The following ACAD10 variants were observed in gnomAD, a reference collection of about 807,000 sequenced individuals.
ACAD10 encodes ACAD-10.
Under a neutral mutation model 116.8 loss-of-function variants are expected in ACAD10, and 112 were observed. That is an observed-to-expected ratio of 0.96 (90% confidence interval 0.82 to 1.12). The LOEUF is 1.12. ACAD10 is among the 50% of genes most tolerant of loss of function. The pLI is 0.00. For missense variants in ACAD10, 1,259 were observed against 1,350.2 expected, an observed-to-expected ratio of 0.93 and a Z score of 1.06; for synonymous variants, 486 against 510.6, an observed-to-expected ratio of 0.95 and a Z score of 0.65.
At chr12:111,723,124 G>A (rs1372732308) in intron 8 of ACAD10, among the ~76,000 whole-genome samples, 2 of 146,316 alleles carry the variant, frequency 1.4e-5, no homozygotes, top group African/African-American at 2.5e-5. Flanking sequence ...CCCAGACGGG[G>A]CGGCTAGCCG....
chr12:111,695,085 G>A (rs1888159155), intron 2 of ACAD10, among the ~76,000 whole-genome samples: 1 of 152,134 alleles, frequency 6.6e-6, no homozygotes, highest in Non-Finnish European at 1.5e-5. Context: ...TCCCTGGCTT[G>A]AAAATCTTGA....
intron 2 of ACAD10, among the ~76,000 whole-genome samples, chr12:111,699,517 A>G (rs1226042569): frequency 6.6e-6 from 1 of 152,098 alleles, no homozygotes; most frequent in African/African-American, 2.4e-5. Flanking sequence ...CATATGCTGT[A>G]GACTGTTCCA....
chr12:111,748,275 T>C (rs373815930), intron 16 of ACAD10, 42 bp from the exon 17 acceptor site: 4 of 1,609,774 alleles, frequency 2.5e-6, no homozygotes. Flanking sequence ...TTGATGGCCC[T>C]GGTGTCAGAT....
At chr12:111,718,986 T>A (rs1178496565) in intron 7 of ACAD10, among the ~76,000 whole-genome samples, 2 of 151,756 alleles carry the variant, frequency 1.3e-5, no homozygotes, top group Non-Finnish European at 2.9e-5. Context: ...ACACCTATAG[T>A]CCCAGCCAAT....
chr12:111,721,461 A>C (rs1337175595), intron 7 of ACAD10, among the ~76,000 whole-genome samples: 1 of 152,166 alleles, frequency 6.6e-6, no homozygotes, highest in Non-Finnish European at 1.5e-5. Context: ...CCAGCTACTC[A>C]GGAGGCTGAG....
intron 3 of ACAD10, 133 bp downstream of exon 3, chr12:111,702,443 T>A: frequency 7.7e-7 from 1 of 1,302,982 alleles, no homozygotes; most frequent in Non-Finnish European, 1.0e-6. Context: ...TTAAAGTTAT[T>A]TCTTAGGCCA....
At chr12:111,690,923 A>G (rs1821847959) in intron 1 of ACAD10, 1 of 152,140 alleles carries the variant, frequency 6.6e-6, no homozygotes, top group African/African-American at 2.4e-5. Context: ...CTGTCTTACC[A>G]ACCTGTTTTG....
rs1454535582 is a variant in ACAD10, at chr12:111,705,821, G to A, written c.420G>A (p.Glu140=). The change falls in exon 4 of 21, where the codon GAG becomes GAA. Residue 140 remains glutamate, a synonymous_variant. Coordinates refer to ENST00000313698, the MANE Select transcript of ACAD10 (RefSeq NM_025247.6). ...RVAKQFPVMT[E]AITQIRAKGL... ...CAAAGCAGTTCCCAGTGATGACTGA[G>A]GCCATAACTCAAATTCGGGCAAAAG... 3 of 1,614,030 alleles carry A rather than the reference G, an allele frequency of 1.9e-6. No homozygotes were observed. The highest frequency in any genetic ancestry group is 1.7e-6 in the Non-Finnish European group (2 of 1,180,038).
intron 4 of ACAD10, among the ~76,000 whole-genome samples, chr12:111,706,782 A>AT (rs36125603): frequency 0.022 from 2,829 of 126,452 alleles, 114 homozygotes; most frequent in African/African-American, 0.071. Context: ...ATATATATAT[A>AT]TTTTTTTTTT....
intron 3 of ACAD10, 43 bp from the exon 4 acceptor site, chr12:111,705,695 C>A: frequency 1.3e-6 from 2 of 1,558,192 alleles, no homozygotes; most frequent in African/African-American, 1.4e-5. Flanking sequence ...GTGTTTGTCA[C>A]TCTTAATGAT....
intron 5 of ACAD10, chr12:111,710,024 A>C (rs1888627000): frequency 5.8e-6 from 2 of 343,522 alleles, no homozygotes; most frequent in Middle Eastern, 9.5e-4. Flanking sequence ...CATGCAGGCC[A>C]TGCAGCTCAC....
intron 10 of ACAD10, among the ~76,000 whole-genome samples, chr12:111,731,007 T>A (rs1310689059): frequency 6.6e-6 from 1 of 152,210 alleles, no homozygotes; most frequent in African/African-American, 2.4e-5. Flanking sequence ...ATCAGGCTGG[T>A]CTCAAACTCC....
At chr12:111,748,600 A>G in intron 17 of ACAD10, 125 bp downstream of exon 17, 5 of 1,038,040 alleles carry the variant, frequency 4.8e-6, no homozygotes, top group Non-Finnish European at 7.1e-6. Flanking sequence ...TGACATTTGG[A>G]GTCACATGCT....
At chr12:111,723,706 C>T (rs1179903507) in intron 8 of ACAD10, among the ~76,000 whole-genome samples, 56 of 150,092 alleles carry the variant, frequency 3.7e-4, no homozygotes, top group African/African-American at 1.3e-3. Flanking sequence ...ACCTCCCTCC[C>T]GGACGGGGTG....
chr12:111,710,311 C>A (rs2135956609), intron 5 of ACAD10: 1 of 454,202 alleles, frequency 2.2e-6, no homozygotes, highest in Non-Finnish European at 4.4e-6. Flanking sequence ...TGGTGTCGAA[C>A]TCCTGGGCTC....
At chr12:111,721,530 T>C (rs1889012433) in intron 7 of ACAD10, 141 bp from the exon 8 acceptor site, 1 of 660,626 alleles carries the variant, frequency 1.5e-6, no homozygotes, top group Non-Finnish European at 2.5e-6. Flanking sequence ...ATCGTGCCAC[T>C]GCACTCCAGC....
intron 2 of ACAD10, among the ~76,000 whole-genome samples, chr12:111,694,443 G>T (rs973617012): frequency 6.6e-6 from 1 of 151,912 alleles, no homozygotes; most frequent in Non-Finnish European, 1.5e-5. Context: ...GAGACCCTAT[G>T]GTGAGCTAGG....
rs537789746 is a variant in ACAD10 at position 111,723,665 on chromosome 12, C to T, written c.1061+1926C>T. Among the ~76,000 whole-genome samples, 195 of 138,996 alleles carry T rather than the reference C, an allele frequency of 1.4e-3. 2 individuals are homozygous for T. Among genetic ancestry groups the T allele is most frequent in the African/African-American group, 4.4e-3 (163 of 37,022 alleles). 91.2% of individuals were successfully genotyped at this position (138,996 alleles called of 152,430 possible). A position where few individuals can be genotyped will look rare whatever the true frequency, so the allele number is the denominator to read the frequency against. ...GGGGCTGACCCCCCGACCTCCCTCC[C>T]GGACGGGGCGGGGGGCTGACCCCCC... is the stretch of plus-strand genomic sequence containing the variant. On this transcript the variant is annotated intron_variant, in intron 8 of 20. Transcript: ENST00000313698.
intron 10 of ACAD10, among the ~76,000 whole-genome samples, chr12:111,732,148 G>A (rs975425960): frequency 2.0e-5 from 3 of 152,128 alleles, no homozygotes; most frequent in Non-Finnish European, 2.9e-5. Flanking sequence ...ACAACCCATC[G>A]TTTCTTGTAA....
Sources: gnomAD v4.1 joint callset for allele counts (sites outside exome capture counted in the v4.1 genomes callset) on GRCh38, gnomAD v4.1.1 for gene constraint, MANE v1.5 for transcripts, NCBI Gene and HGNC (gene_info 2026-07-23, HGNC 2026-07-21) for gene names.